CNTN6: variants seen among roughly 807,000 people sequenced by gnomAD.
The protein encoded by CNTN6 is contactin 6.
In CNTN6, 137 loss-of-function variants were observed where a neutral mutation model predicts 122.8. The ratio of observed to expected loss-of-function variants is 1.12; its 90% CI spans 0.97 to 1.29. The LOEUF is 1.29. CNTN6 is among the 50% of genes most tolerant of loss of function. The pLI is 0.00. For synonymous variants in CNTN6, 570 were observed against 426.0 expected (o/e 1.34, Z -4.16); for missense variants, 1,634 against 1,223.4 (o/e 1.34, Z -5.01).
chr3:1,297,876 T>G lies in CNTN6; in HGVS notation c.659-13T>G. 37 of 1,590,206 alleles carry G rather than the reference T, an allele frequency of 2.3e-5. No homozygotes were observed. The highest frequency in any genetic ancestry group is 3.4e-5 in the South Asian group (3 of 88,100). ...TCTCCAGAAATGCTGCTAGCTCTTT[T>G]GATATTTAACAGGTGTGATGGGGGA... On this transcript the variant is annotated splice_polypyrimidine_tract_variant and intron_variant, in intron 6 of 22. Coordinates refer to ENST00000446702, the MANE Select transcript of CNTN6 (RefSeq NM_001289080.2).
At chr3:1,236,794 C>G (rs1344380525) in intron 4 of CNTN6, among the ~76,000 whole-genome samples, 1 of 152,090 alleles carries the variant, frequency 6.6e-6, no homozygotes, top group African/African-American at 2.4e-5. Flanking sequence ...CAAGAAGGCA[C>G]CAGAGACCAG....
chr3:1,212,772 G>A (rs1030109219), intron 2 of CNTN6, among the ~76,000 whole-genome samples: 1 of 151,878 alleles, frequency 6.6e-6, no homozygotes, highest in African/African-American at 2.4e-5. Flanking sequence ...CTTTCTGATT[G>A]TATAGACAAA....
At chr3:1,384,440 C>A (rs980001956) in intron 19 of CNTN6, among the ~76,000 whole-genome samples, 1 of 151,798 alleles carries the variant, frequency 6.6e-6, no homozygotes, top group South Asian at 2.1e-4. Context: ...AAAAAAAATA[C>A]CTAGATTGTC....
In CNTN6 at chr3:1,385,737, T is replaced by TACA. The variant is rs773026703; in HGVS notation, c.2648_2650dup (p.Asn883dup). The TACA allele has an allele frequency of 1.9e-6, 3 of 1,614,118 alleles. No homozygotes were observed. The highest frequency in any genetic ancestry group is 2.5e-6 in the Non-Finnish European group (3 of 1,179,962). Reference sequence around the variant, plus strand: ...CATCTACTTTGCTTCCGTAAGAGCTTACAACACTGCTGGGACAGGGCCCTC... The same window carrying TACA: ...CATCTACTTTGCTTCCGTAAGAGCTTACAACAACACTGCTGGGACAGGGCCCTC... On this transcript the variant is annotated inframe_insertion, in exon 20 of 23. Transcript: ENST00000446702.
intron 11 of CNTN6, among the ~76,000 whole-genome samples, chr3:1,346,119 T>C (rs1378190268): frequency 6.6e-6 from 1 of 152,132 alleles, no homozygotes; most frequent in Admixed American, 6.5e-5. Context: ...GGAATCTACA[T>C]GTACAGATCT....
intron 2 of CNTN6, among the ~76,000 whole-genome samples, chr3:1,159,909 C>T (rs999045719): frequency 6.6e-6 from 1 of 152,004 alleles, no homozygotes; most frequent in African/African-American, 2.4e-5. Flanking sequence ...CAACTTCTGC[C>T]TCCCAGGTTC....
intron 11 of CNTN6, among the ~76,000 whole-genome samples, chr3:1,339,045 G>A (rs956587345): frequency 1.3e-5 from 2 of 151,932 alleles, no homozygotes; most frequent in Non-Finnish European, 2.9e-5. Flanking sequence ...CAAACAAGCA[G>A]TGAAGCTGTC....
chr3:1,303,964 T>C (rs17212700), intron 7 of CNTN6, among the ~76,000 whole-genome samples: 12,547 of 152,174 alleles, frequency 0.082, 673 homozygotes, highest in Non-Finnish European at 0.12. Context: ...CCAGGCCTAT[T>C]TGAGCTCTGA....
At chr3:1,318,695 T>G (rs915637255) in intron 7 of CNTN6, among the ~76,000 whole-genome samples, 4 of 151,630 alleles carry the variant, frequency 2.6e-5, no homozygotes, top group African/African-American at 9.7e-5. Context: ...ATACCTAGAG[T>G]TGTCTCACAA....
chr3:1,105,667 A>G lies in CNTN6; in HGVS notation c.-83+12547A>G, dbSNP rs891092006. Among the ~76,000 whole-genome samples, 7 of 152,196 alleles carry G rather than the reference A, an allele frequency of 4.6e-5. No individual in the cohort carries two copies. The East Asian group carries it at 1.2e-3, about 25-fold the overall frequency. ...AGTTATTGTTCTAGTCTTATTAAAG[A>G]TAAATCAGTGTTTGTCCCTAATTGC... On this transcript the variant is annotated intron_variant, in intron 1 of 22. Transcript: ENST00000446702.
At chr3:1,138,028 C>G (rs1383602165) in intron 1 of CNTN6, among the ~76,000 whole-genome samples, 3 of 152,230 alleles carry the variant, frequency 2.0e-5, no homozygotes, top group African/African-American at 7.2e-5. Context: ...TAAATCCTCT[C>G]TTCCCCAGGC....
At position 1,383,138 on chromosome 3, in the gene CNTN6, C is replaced by A. The variant is rs764051637; in HGVS notation, c.2363C>A (p.Ser788Tyr). The change falls in exon 18 of 23, where the codon TCC becomes TAC. Residue 788 changes from serine to tyrosine, a missense_variant. Coordinates refer to ENST00000446702, the MANE Select transcript of CNTN6 (RefSeq NM_001289080.2). ...GTGTATAATAATGAAGGAGAAGGAT[C>A]CCTGAGTACTGTGACCATTGTCTAC... ...VGVYNNEGEG[S>Y]LSTVTIVYSG... 6.2e-7 allele frequency: 1 copy of A among 1,613,972 alleles called. No individual in the cohort carries two copies. Among genetic ancestry groups the A allele is most frequent in the Non-Finnish European group, 8.5e-7 (1 of 1,179,906 alleles).
intron 20 of CNTN6, among the ~76,000 whole-genome samples, chr3:1,390,126 C>A (rs1172826749): frequency 6.7e-6 from 1 of 150,072 alleles, no homozygotes; most frequent in South Asian, 2.1e-4. Context: ...AGCACCACAC[C>A]ACACCTATTC....
intron 1 of CNTN6, among the ~76,000 whole-genome samples, chr3:1,101,974 A>G (rs1052084351): frequency 6.6e-6 from 1 of 152,214 alleles, no homozygotes; most frequent in Non-Finnish European, 1.5e-5. Context: ...TTTTAAGATG[A>G]TTTCTGCTGA....
intron 2 of CNTN6, among the ~76,000 whole-genome samples, chr3:1,210,350 C>T (rs931956107): frequency 7.2e-6 from 1 of 138,740 alleles, no homozygotes; most frequent in African/African-American, 2.7e-5. Flanking sequence ...AAGATAAATA[C>T]GTGTGGTAAG....
At chr3:1,297,741 C>A (rs537036321) in intron 6 of CNTN6, 148 bp from the exon 7 acceptor site, 7 of 564,456 alleles carry the variant, frequency 1.2e-5, no homozygotes, top group East Asian at 9.9e-5. Context: ...AACACAGAAG[C>A]ATTTTAGAAT....
At chr3:1,283,112 A>G (rs563240551) in intron 5 of CNTN6, among the ~76,000 whole-genome samples, 74 of 152,160 alleles carry the variant, frequency 4.9e-4, no homozygotes, top group African/African-American at 1.8e-3. Context: ...AGCTGGGACT[A>G]CAGGTGCATG....
At chr3:1,285,724 G>T (rs1332727856) in intron 5 of CNTN6, among the ~76,000 whole-genome samples, 1 of 152,094 alleles carries the variant, frequency 6.6e-6, no homozygotes, top group Non-Finnish European at 1.5e-5. Context: ...CTTGTCTCTG[G>T]AATTCGAAAG....
At chr3:1,284,877 C>T (rs749912283) in intron 5 of CNTN6, among the ~76,000 whole-genome samples, 4 of 152,044 alleles carry the variant, frequency 2.6e-5, no homozygotes, top group Admixed American at 1.3e-4. Flanking sequence ...GTTGGGAGAA[C>T]GGCACTGAGG....
Sources: allele counts gnomAD v4.1 joint callset (sites outside exome capture counted in the v4.1 genomes callset), GRCh38; gene constraint gnomAD v4.1.1; transcripts MANE v1.5; gene names NCBI Gene and HGNC (gene_info 2026-07-23, HGNC 2026-07-21).